Variants in CNTNAP4 observed in about 807,000 individuals in gnomAD.
CNTNAP4 encodes the protein contactin associated protein family member 4, also known as contactin-associated protein-like 4.
CNTNAP4 carries 98 observed loss-of-function variants against 148.4 expected under a neutral mutation model. The observed-to-expected ratio is 0.66, with a 90% confidence interval of 0.56 to 0.78. CNTNAP4 has a LOEUF of 0.78. Among genes scored for constraint, CNTNAP4 ranks in the 30% least tolerant of loss-of-function variants. The pLI is 0.00. For synonymous variants in CNTNAP4, 730 were observed against 565.1 expected, an observed-to-expected ratio of 1.29 and a Z score of -4.14; for missense variants, 1,935 against 1,565.6, an observed-to-expected ratio of 1.24 and a Z score of -3.98.
chr16:76,421,769 A>G (rs1448671683), intron 3 of CNTNAP4, among the ~76,000 whole-genome samples: 1 of 152,138 alleles, frequency 6.6e-6, no homozygotes, highest in Non-Finnish European at 1.5e-5. Context: ...TCTCACAACA[A>G]GGGAGGTTAT....
chr16:76,481,543 A>C (rs1056452823), intron 12 of CNTNAP4, among the ~76,000 whole-genome samples: 1 of 151,744 alleles, frequency 6.6e-6, no homozygotes, highest in Non-Finnish European at 1.5e-5. Context: ...TTACTTTGTC[A>C]GTCTCCCTGG....
chr16:76,443,144 A>G (rs921958578), intron 4 of CNTNAP4, among the ~76,000 whole-genome samples: 2 of 152,204 alleles, frequency 1.3e-5, no homozygotes, highest in Non-Finnish European at 2.9e-5. Flanking sequence ...TGTATAATAT[A>G]TACTTAAATA....
chr16:76,290,360 G>A (rs927443522), intron 1 of CNTNAP4, among the ~76,000 whole-genome samples: 8 of 152,276 alleles, frequency 5.3e-5, no homozygotes, highest in East Asian at 1.9e-4. Flanking sequence ...GCTCTGGCAC[G>A]ATAGTAAATT....
At position 76,448,106 on chromosome 16, in the gene CNTNAP4, A is replaced by G. The variant is rs757202184; in HGVS notation, c.633A>G (p.Lys211=). The G allele has an allele frequency of 5.0e-6, 8 of 1,613,646 alleles. No homozygotes were observed. The highest frequency in any genetic ancestry group is 5.9e-6 in the Non-Finnish European group (7 of 1,179,622). ...CAATAAAAGACATTATTTCTTTGAA[A>G]TTCAAAACCATGCAGAGTGATGGGA... ...LSPIKDIISL[K]FKTMQSDGIL... is the part of the protein sequence containing the mutation. The change falls in exon 5 of 24, where the codon AAA becomes AAG. Residue 211 remains lysine (K), a synonymous_variant. Transcript: ENST00000611870.
intron 3 of CNTNAP4, among the ~76,000 whole-genome samples, chr16:76,423,749 A>G (rs1568109425): frequency 6.6e-6 from 1 of 152,220 alleles, no homozygotes. Context: ...AAAAATTTCA[A>G]CAAGTGGAGC....
At chr16:76,317,304 CCCA>C (rs147336162) in intron 2 of CNTNAP4, among the ~76,000 whole-genome samples, 36,259 of 142,112 alleles carry the variant, frequency 0.26, 5,353 homozygotes, top group Non-Finnish European at 0.35. Flanking sequence ...CAAAAAACCC[CCCA>C]AAAAAAAAAA....
intron 17 of CNTNAP4, among the ~76,000 whole-genome samples, chr16:76,527,907 A>T (rs1004611285): frequency 6.6e-6 from 1 of 152,146 alleles, no homozygotes; most frequent in Non-Finnish European, 1.5e-5. Flanking sequence ...CTGTTTTTAT[A>T]ATATAGGACA....
rs1429950227 is a variant in CNTNAP4, at chr16:76,467,505, C to T, written c.1637C>T (p.Ser546Leu). ...LGNFSDLQID[S>L]CGISDRCLPN... ...AACTTCAGTGACCTTCAGATAGACTCATGTGGCATCTCAGACAGGTAAGGG... is the reference window on the plus strand; with the variant it reads ...AACTTCAGTGACCTTCAGATAGACTTATGTGGCATCTCAGACAGGTAAGGG... The change falls in exon 10 of 24, where the codon TCA becomes TTA. Residue 546 changes from serine (S) to leucine (L), a missense_variant. Coordinates refer to ENST00000611870, the MANE Select transcript of CNTNAP4 (RefSeq NM_033401.5). The T allele has an allele frequency of 6.2e-7, 1 of 1,611,626 alleles. No individual in the cohort carries two copies. The highest frequency in any genetic ancestry group is 1.7e-5 in the Admixed American group (1 of 59,450).
chr16:76,360,815 A>AT (rs397745852), intron 3 of CNTNAP4, among the ~76,000 whole-genome samples: 52,233 of 122,150 alleles, frequency 0.43, 12,348 homozygotes, highest in Admixed American at 0.5. Context: ...ACATGGCTGC[A>AT]TTTTTTTTTT....
chr16:76,539,503 A>T (rs2084357463), intron 19 of CNTNAP4, among the ~76,000 whole-genome samples: 1 of 152,114 alleles, frequency 6.6e-6, no homozygotes, highest in African/African-American at 2.4e-5. Context: ...GATTTGCAGG[A>T]AAGAGAGTGC....
rs746564680 is a variant in CNTNAP4, at chr16:76,535,659, G to C, written c.2870G>C (p.Gly957Ala). ...CAGGTGACTCCAGAAGTGCAGCCAGGTTGTAGGGGACATTGCAGCAGCTAT... is the reference window on the plus strand; with the variant it reads ...CAGGTGACTCCAGAAGTGCAGCCAGCTTGTAGGGGACATTGCAGCAGCTAT... The part of the protein sequence containing the change: ...RAQVTPEVQP[G>A]CRGHCSSYGK... The change falls in exon 18 of 24, where the codon GGT becomes GCT. Residue 957 changes from glycine to alanine, a missense_variant. Gly to Ala is a moderately conservative substitution (Grantham distance 60). Coordinates refer to ENST00000611870, the MANE Select transcript of CNTNAP4 (RefSeq NM_033401.5). The C allele has an allele frequency of 6.2e-7, 1 of 1,613,966 alleles. No homozygotes were observed. Among genetic ancestry groups the C allele is most frequent in the Non-Finnish European group, 8.5e-7 (1 of 1,180,002 alleles).
intron 3 of CNTNAP4, among the ~76,000 whole-genome samples, chr16:76,414,722 TC>T (rs987389979): frequency 3.4e-4 from 52 of 151,534 alleles, no homozygotes; most frequent in African/African-American, 1.2e-3. Context: ...GTTCAGGTTT[TC>T]CTGTTCTCAT....
chr16:76,335,793 G>T (rs1963970632), intron 2 of CNTNAP4, among the ~76,000 whole-genome samples: 1 of 152,166 alleles, frequency 6.6e-6, no homozygotes, highest in Non-Finnish European at 1.5e-5. Context: ...AAAAGCTGCT[G>T]GGGGTGCCGA....
At chr16:76,541,676 A>G (rs1048163060) in intron 21 of CNTNAP4, among the ~76,000 whole-genome samples, 6 of 152,198 alleles carry the variant, frequency 3.9e-5, no homozygotes. Context: ...GAACCTTGAG[A>G]ATGTTTGATT....
chr16:76,545,766 A>G (rs536969660), intron 21 of CNTNAP4, among the ~76,000 whole-genome samples: 28 of 152,236 alleles, frequency 1.8e-4, no homozygotes, highest in Non-Finnish European at 4.0e-4. Context: ...AGCCAGGCAC[A>G]GTGGCTCACG....
At chr16:76,394,828 TCTTC>T (rs940583627) in intron 3 of CNTNAP4, among the ~76,000 whole-genome samples, 2 of 152,170 alleles carry the variant, frequency 1.3e-5, no homozygotes, top group Non-Finnish European at 2.9e-5. Context: ...ATCATTCCCA[TCTTC>T]CTTTCTTGAA....
chr16:76,465,578 T>C (rs1466971), intron 9 of CNTNAP4, among the ~76,000 whole-genome samples: 79,323 of 152,084 alleles, frequency 0.52, 20,789 homozygotes, highest in Admixed American at 0.6. Flanking sequence ...AGCAGAGTTA[T>C]TTATATGCCT....
chr16:76,407,251 C>G (rs2078628151), intron 3 of CNTNAP4, among the ~76,000 whole-genome samples: 1 of 152,102 alleles, frequency 6.6e-6, no homozygotes, highest in Non-Finnish European at 1.5e-5. Context: ...GCCTACCGGG[C>G]TCAAATAGTC....
intron 3 of CNTNAP4, among the ~76,000 whole-genome samples, chr16:76,388,853 C>T (rs1050411670): frequency 6.6e-6 from 1 of 152,162 alleles, no homozygotes; most frequent in African/African-American, 2.4e-5. Flanking sequence ...AAGTACAAGT[C>T]TGTCCCAACA....
Sources: gnomAD v4.1 joint callset for allele counts (sites outside exome capture counted in the v4.1 genomes callset) on GRCh38, gnomAD v4.1.1 for gene constraint, MANE v1.5 for transcripts, NCBI Gene and HGNC (gene_info 2026-07-23, HGNC 2026-07-21) for gene names.